The following FNDC3B variants were observed in gnomAD, a reference collection of about 807,000 sequenced individuals.
FNDC3B encodes fibronectin type III domain containing 3B.
In FNDC3B, 12 loss-of-function variants were observed where a neutral mutation model predicts 151.5. The observed-to-expected ratio is 0.08, with a 90% CI of 0.05 to 0.13. The LOEUF is 0.13. Among genes scored for constraint, FNDC3B ranks in the 10% least tolerant of loss-of-function variants. The pLI is 1.00. For synonymous variants in FNDC3B, 528 were observed against 549.0 expected (o/e 0.96, Z 0.54); for missense variants, 1,214 against 1,505.3 (o/e 0.81, Z 3.20).
intron 3 of FNDC3B, among the ~76,000 whole-genome samples, chr3:172,198,626 C>T (rs1272338498): frequency 5.3e-5 from 8 of 152,182 alleles, no homozygotes; most frequent in Non-Finnish European, 7.4e-5. Flanking sequence ...AGACTGCCAT[C>T]GTAGGTGATG....
chr3:172,047,758 A>C (rs1716433584), intron 1 of FNDC3B, among the ~76,000 whole-genome samples: 1 of 151,596 alleles, frequency 6.6e-6, no homozygotes, highest in Non-Finnish European at 1.5e-5. Context: ...TGCCTCCCCC[A>C]CCCCACTCCA....
intron 6 of FNDC3B, among the ~76,000 whole-genome samples, chr3:172,272,230 G>A (rs1729233660): frequency 6.6e-6 from 1 of 152,148 alleles, no homozygotes; most frequent in Non-Finnish European, 1.5e-5. Context: ...AGGTATTTTG[G>A]AGTTTAAAAG....
chr3:172,119,979 C>A (rs948672962), intron 2 of FNDC3B, among the ~76,000 whole-genome samples: 4 of 152,208 alleles, frequency 2.6e-5, no homozygotes, highest in African/African-American at 7.2e-5. Context: ...CTTTTCAGAT[C>A]TCTCTGAGTT....
At chr3:172,087,424 A>G (rs950871818) in intron 1 of FNDC3B, among the ~76,000 whole-genome samples, 1 of 152,182 alleles carries the variant, frequency 6.6e-6, no homozygotes, top group Non-Finnish European at 1.5e-5. Context: ...TTGGAATTTG[A>G]TAAGTAAGAA....
At chr3:172,093,151 G>C (rs572647904) in intron 1 of FNDC3B, among the ~76,000 whole-genome samples, 1 of 151,536 alleles carries the variant, frequency 6.6e-6, no homozygotes, top group South Asian at 2.1e-4. Context: ...TTGTCGCTCT[G>C]TTGCTCAGGG....
At chr3:172,053,076 T>G (rs571410634) in intron 1 of FNDC3B, among the ~76,000 whole-genome samples, 7 of 152,324 alleles carry the variant, frequency 4.6e-5, no homozygotes, top group African/African-American at 1.7e-4. Context: ...ATGTATTCCA[T>G]CCATATGTAT....
rs752250414 is a variant in FNDC3B at position 172,330,593 on chromosome 3, C to T, written c.1432C>T (p.Pro478Ser). 7 of 1,614,092 alleles carry T rather than the reference C, an allele frequency of 4.3e-6. No homozygotes were observed. Among genetic ancestry groups the T allele is most frequent in the South Asian group, 2.2e-5 (2 of 91,066 alleles). Residue 478 changes from proline (P) to serine (S), a missense_variant, in exon 13 of 26, where the codon CCT (proline) becomes TCT (serine). Physicochemically the swap from Pro to Ser is moderately conservative, Grantham distance 74. This residue lies in a region of FNDC3B where 111 missense variants were observed against 96.8 expected (regional missense o/e 1.15). Transcript: ENST00000415807. The stretch of plus-strand genomic sequence containing the variant: ...CACATTAGGAAATATCCCTCAGATG[C>T]CTTCTGCACCAAGGCTGGTTCGAGC... The part of the protein sequence containing the change: ...CYTLGNIPQM[P>S]SAPRLVRAGI...
At chr3:172,317,405 C>T (rs563808987) in intron 11 of FNDC3B, among the ~76,000 whole-genome samples, 12 of 152,074 alleles carry the variant, frequency 7.9e-5, no homozygotes, top group East Asian at 1.9e-4. Context: ...AGCATGGTCT[C>T]GATCTCCTGA....
intron 3 of FNDC3B, among the ~76,000 whole-genome samples, chr3:172,137,662 T>G (rs1035549274): frequency 5.9e-5 from 9 of 151,976 alleles, no homozygotes; most frequent in African/African-American, 2.2e-4. Flanking sequence ...GAAAAAAAAA[T>G]GTGTTTTTAT....
chr3:172,192,431 C>G (rs1030985141), intron 3 of FNDC3B, among the ~76,000 whole-genome samples: 2 of 151,904 alleles, frequency 1.3e-5, no homozygotes, highest in African/African-American at 2.4e-5. Context: ...GTGATCCGCC[C>G]GCCTCGGCCT....
At chr3:172,284,723 T>A (rs2108823685) in intron 6 of FNDC3B, among the ~76,000 whole-genome samples, 1 of 148,114 alleles carries the variant, frequency 6.8e-6, no homozygotes, top group East Asian at 2.0e-4. Flanking sequence ...TGGAAGACTA[T>A]CTCGAATGCC....
chr3:172,249,085 G>A (rs1727934694), intron 5 of FNDC3B, among the ~76,000 whole-genome samples: 1 of 150,418 alleles, frequency 6.6e-6, no homozygotes, highest in South Asian at 2.1e-4. Context: ...GATAAAAACT[G>A]AAAAAATTTA....
At chr3:172,239,665 G>A (rs1006132111) in intron 4 of FNDC3B, among the ~76,000 whole-genome samples, 12 of 151,120 alleles carry the variant, frequency 7.9e-5, no homozygotes, top group African/African-American at 2.9e-4. Flanking sequence ...CTTGTGGCTT[G>A]TAGTCCAACA....
chr3:172,041,402 TCC>T (rs60072758), intron 1 of FNDC3B, among the ~76,000 whole-genome samples: 1,811 of 144,974 alleles, frequency 0.012, 18 homozygotes, highest in Middle Eastern at 0.031. Flanking sequence ...TCTTTCTTTC[TCC>T]TTCTCTCTCC....
At chr3:172,100,700 C>T (rs1430438397) in intron 1 of FNDC3B, among the ~76,000 whole-genome samples, 1 of 152,116 alleles carries the variant, frequency 6.6e-6, no homozygotes, top group Non-Finnish European at 1.5e-5. Flanking sequence ...CTCTTCTGAG[C>T]TCTAAGTAAC....
intron 1 of FNDC3B, among the ~76,000 whole-genome samples, chr3:172,041,505 TA>T (rs1300934544): frequency 2.5e-5 from 3 of 120,924 alleles, no homozygotes; most frequent in East Asian, 2.4e-4. Flanking sequence ...TTTTTTTTTT[TA>T]AATAAATGTG....
At position 172,334,932 on chromosome 3, in the gene FNDC3B, G is replaced by T. The variant is rs746920838; in HGVS notation, c.1642-12G>T. ...ACTAAATCATGTTAACGTTTCCTTG[G>T]TTGTGTTCTAGCTGACTGCTTCTAA... On this transcript the variant is annotated splice_polypyrimidine_tract_variant and intron_variant, in intron 14 of 25. Transcript: ENST00000415807. 11 of 1,607,476 alleles carry T rather than the reference G, an allele frequency of 6.8e-6. No individual in the cohort carries two copies. The highest frequency in any genetic ancestry group is 3.3e-4 in the Middle Eastern group (2 of 6,046).
chr3:172,367,472 A>G (rs73167290), intron 23 of FNDC3B, among the ~76,000 whole-genome samples: 13,306 of 152,228 alleles, frequency 0.087, 634 homozygotes, highest in Middle Eastern at 0.16. Context: ...TAACAGATCC[A>G]GCACAGAAGA....
chr3:172,323,719 TG>T (rs985509196), intron 11 of FNDC3B, among the ~76,000 whole-genome samples: 1 of 152,222 alleles, frequency 6.6e-6, no homozygotes, highest in Non-Finnish European at 1.5e-5. Context: ...TTTCTGTGTT[TG>T]GGGCCTTTCA....
Sources: allele counts gnomAD v4.1 joint callset (sites outside exome capture counted in the v4.1 genomes callset), GRCh38; gene constraint gnomAD v4.1.1; regional missense constraint gnomAD v4.1.1; transcripts MANE v1.5; gene names NCBI Gene and HGNC (gene_info 2026-07-23, HGNC 2026-07-21).